KCNIP4: variants seen among roughly 807,000 people sequenced by gnomAD.
The protein encoded by KCNIP4 is potassium voltage-gated channel interacting protein 4, also known as Kv channel-interacting protein 4.
A neutral mutation model predicts 34.0 loss-of-function variants in KCNIP4; 12 were observed. The ratio of observed to expected loss-of-function variants is 0.35; its 90% CI spans 0.23 to 0.57. KCNIP4 has a LOEUF of 0.57. Ranked by LOEUF, KCNIP4 falls within the 20% of genes least tolerant of loss-of-function variation. KCNIP4 has a pLI of 0.83. For synonymous variants in KCNIP4, 124 were observed against 102.2 expected (o/e 1.21, Z -1.29); for missense variants, 238 against 311.7 (o/e 0.76, Z 1.78).
At chr4:21,927,124 T>C (rs1326706449) in intron 1 of KCNIP4, among the ~76,000 whole-genome samples, 1 of 152,132 alleles carries the variant, frequency 6.6e-6, no homozygotes, top group Non-Finnish European at 1.5e-5. Context: ...GCCAAAAACT[T>C]TGAATCTCAT....
At chr4:21,861,537 G>A (rs1725072805) in intron 1 of KCNIP4, among the ~76,000 whole-genome samples, 1 of 151,544 alleles carries the variant, frequency 6.6e-6, no homozygotes, top group Non-Finnish European at 1.5e-5. Context: ...CTTAAACCCA[G>A]CTGCTTGGGA....
chr4:20,822,304 C>T (rs769616924), intron 3 of KCNIP4, among the ~76,000 whole-genome samples: 1 of 152,142 alleles, frequency 6.6e-6, no homozygotes, highest in Non-Finnish European at 1.5e-5. Flanking sequence ...AAATGGCCAA[C>T]ACACATATGG....
chr4:21,947,451 A>G (rs1049856039), intron 1 of KCNIP4, among the ~76,000 whole-genome samples: 1 of 152,210 alleles, frequency 6.6e-6, no homozygotes. Context: ...TTCATATTCA[A>G]GTGAGACTAG....
At chr4:21,480,465 ACAT>A (rs1361499805) in intron 1 of KCNIP4, among the ~76,000 whole-genome samples, 2 of 152,180 alleles carry the variant, frequency 1.3e-5, no homozygotes, top group African/African-American at 4.8e-5. Context: ...CCTTATCAAA[ACAT>A]CATACTTTAT....
chr4:21,814,334 CAT>C (rs1340870863), intron 1 of KCNIP4, among the ~76,000 whole-genome samples: 2 of 152,138 alleles, frequency 1.3e-5, no homozygotes, highest in Admixed American at 6.5e-5. Context: ...ACAATTCCCA[CAT>C]GTCATGGGAG....
At chr4:21,844,774 C>A (rs1723904692) in intron 1 of KCNIP4, 1 of 151,940 alleles carries the variant, frequency 6.6e-6, no homozygotes, top group South Asian at 2.1e-4. Context: ...TGAAGTCATT[C>A]TATTATTAAA....
At chr4:20,999,103 T>A (rs1737826573) in intron 1 of KCNIP4, among the ~76,000 whole-genome samples, 1 of 152,194 alleles carries the variant, frequency 6.6e-6, no homozygotes, top group Non-Finnish European at 1.5e-5. Flanking sequence ...ACAGGTTTTC[T>A]GACAAAAAGA....
rs543092276 is a variant in KCNIP4, at chr4:21,415,240, A to G, written c.62-532531T>C. On this transcript the variant is annotated intron_variant, in intron 1 of 8. Transcript: ENST00000382152. ...ATTCCACTTATATGTGGGTACCTAG[A>G]GTAATCACATTCATAGAATCAAAGA... is the stretch of plus-strand genomic sequence containing the variant. Among the ~76,000 whole-genome samples the G allele has an allele frequency of 8.5e-5, 13 of 152,202 alleles. No individual in the cohort carries two copies. In the South Asian group the frequency reaches 2.5e-3, roughly 29 times the overall value.
chr4:20,819,634 C>G (rs375428450), intron 3 of KCNIP4, among the ~76,000 whole-genome samples: 1 of 152,122 alleles, frequency 6.6e-6, no homozygotes, highest in African/African-American at 2.4e-5. Context: ...TATGTTGGAC[C>G]TGAATAATCA....
intron 1 of KCNIP4, among the ~76,000 whole-genome samples, chr4:21,579,627 C>G (rs934738227): frequency 2.6e-5 from 4 of 152,086 alleles, no homozygotes; most frequent in Non-Finnish European, 5.9e-5. Context: ...GAGCAACTAC[C>G]CTCAAACACC....
intron 5 of KCNIP4, among the ~76,000 whole-genome samples, chr4:20,736,894 A>G (rs2149283925): frequency 6.6e-6 from 1 of 152,346 alleles, no homozygotes; most frequent in South Asian, 2.1e-4. Context: ...CACACTGCCC[A>G]ATATCAAAAC....
intron 1 of KCNIP4, among the ~76,000 whole-genome samples, chr4:20,899,120 T>G (rs1468277720): frequency 6.6e-6 from 1 of 152,220 alleles, no homozygotes; most frequent in Non-Finnish European, 1.5e-5. Flanking sequence ...TAACTGTACA[T>G]GTTGATGTGC....
intron 3 of KCNIP4, chr4:20,767,271 TATC>T (rs1346557221): frequency 2.6e-5 from 4 of 152,180 alleles, no homozygotes; most frequent in Admixed American, 6.6e-5. Context: ...CTCTATCTAA[TATC>T]ATCAGAATTT....
At chr4:21,431,545 G>C (rs1726448498) in intron 1 of KCNIP4, among the ~76,000 whole-genome samples, 1 of 151,976 alleles carries the variant, frequency 6.6e-6, no homozygotes, top group Admixed American at 6.6e-5. Flanking sequence ...TATAAATGTA[G>C]AACTGGTCTC....
At chr4:21,041,779 C>T (rs1341400555) in intron 1 of KCNIP4, among the ~76,000 whole-genome samples, 1 of 152,154 alleles carries the variant, frequency 6.6e-6, no homozygotes. Context: ...AAGCAGGCAG[C>T]ATACCATGCA....
chr4:21,663,161 G>T (rs1431844576), intron 1 of KCNIP4, among the ~76,000 whole-genome samples: 1 of 152,064 alleles, frequency 6.6e-6, no homozygotes, highest in Non-Finnish European at 1.5e-5. Context: ...ATCGATAATG[G>T]TTTCTAACTT....
chr4:21,540,208 C>T (rs181356252), intron 1 of KCNIP4, among the ~76,000 whole-genome samples: 25 of 152,156 alleles, frequency 1.6e-4, no homozygotes, highest in African/African-American at 6.0e-4. Flanking sequence ...TGTATGAATC[C>T]TAGAGCACAT....
At chr4:20,967,383 C>T (rs1734467059) in intron 1 of KCNIP4, among the ~76,000 whole-genome samples, 1 of 152,054 alleles carries the variant, frequency 6.6e-6, no homozygotes, top group South Asian at 2.1e-4. Flanking sequence ...CAATGCAATC[C>T]CCATCAAGCT....
rs371467139 is a variant in KCNIP4 at position 20,793,203 on chromosome 4, G to A, written c.289-34313C>T. Among the ~76,000 whole-genome samples, 4 of 152,210 alleles carry A rather than the reference G, an allele frequency of 2.6e-5. 1 individual carries two copies. The highest frequency in any genetic ancestry group is 1.9e-4 in the East Asian group (1 of 5,178). ...TTACAGGTGAATGGATAAACAAATT[G>A]TTGTATATACCTATAATGGAATAGT... On this transcript the variant is annotated intron_variant, in intron 3 of 8. Transcript: ENST00000382152.
Sources: allele counts gnomAD v4.1 joint callset (sites outside exome capture counted in the v4.1 genomes callset), GRCh38; gene constraint gnomAD v4.1.1; transcripts MANE v1.5; gene names NCBI Gene and HGNC (gene_info 2026-07-23, HGNC 2026-07-21).